SLC10A7: variants seen among roughly 807,000 people sequenced by gnomAD.
The protein encoded by SLC10A7 is solute carrier family 10 member 7, also known as sodium/bile acid cotransporter 7.
In SLC10A7, 29 loss-of-function variants were observed where a neutral mutation model predicts 43.2. That is an observed-to-expected ratio of 0.67 (90% CI 0.50 to 0.92). SLC10A7 has a LOEUF of 0.92. Among genes scored for constraint, SLC10A7 ranks in the 40% least tolerant of loss-of-function variants. The pLI is 0.00. For synonymous variants in SLC10A7, 152 were observed against 144.8 expected (o/e 1.05, Z -0.35); for missense variants, 295 against 403.2 (o/e 0.73, Z 2.30).
chr4:146,301,623 C>T (rs1445775643), intron 7 of SLC10A7, among the ~76,000 whole-genome samples: 1 of 152,136 alleles, frequency 6.6e-6, no homozygotes, highest in Non-Finnish European at 1.5e-5. Context: ...GAAGGTGTGT[C>T]ATCCTCTCCA....
chr4:146,425,018 C>A (rs910471526), intron 5 of SLC10A7, among the ~76,000 whole-genome samples: 2 of 152,004 alleles, frequency 1.3e-5, no homozygotes, highest in Admixed American at 6.6e-5. Context: ...AGTAAACAGT[C>A]CTCTCAGTAA....
rs144531641 is a variant in SLC10A7, at chr4:146,455,576, G to A, written c.397-12755C>T. On this transcript the variant is annotated intron_variant, in intron 4 of 11. Coordinates refer to ENST00000335472, the MANE Select transcript of SLC10A7 (RefSeq NM_001029998.6). ...AAGAAGGCAATGGATCAATCCCTTA[G>A]CAATAACTCTCTCATCAGCTTTTCA... 1.6e-4 allele frequency among the ~76,000 whole-genome samples: 24 copies of A among 151,980 alleles called. No individual in the cohort carries two copies. The East Asian group carries it at 4.6e-3, about 29-fold the overall frequency.
At chr4:146,266,617 T>C (rs992687098) in intron 10 of SLC10A7, among the ~76,000 whole-genome samples, 1 of 152,242 alleles carries the variant, frequency 6.6e-6, no homozygotes, top group Non-Finnish European at 1.5e-5. Context: ...GGAATTTGGT[T>C]AGAAAAGGCT....
intron 4 of SLC10A7, among the ~76,000 whole-genome samples, chr4:146,459,552 G>A (rs1732353758): frequency 6.6e-6 from 1 of 151,370 alleles, no homozygotes; most frequent in Non-Finnish European, 1.5e-5. Context: ...TGGCAAAGGT[G>A]CTAGAGTAAT....
At chr4:146,487,271 C>G (rs1299356380) in intron 4 of SLC10A7, among the ~76,000 whole-genome samples, 1 of 152,168 alleles carries the variant, frequency 6.6e-6, no homozygotes, top group Non-Finnish European at 1.5e-5. Flanking sequence ...GACTTCTCTG[C>G]CCTCTCCTTA....
At chr4:146,319,012 A>G (rs530291014) in intron 6 of SLC10A7, among the ~76,000 whole-genome samples, 14 of 152,164 alleles carry the variant, frequency 9.2e-5, no homozygotes, top group Non-Finnish European at 1.9e-4. Context: ...TGCCTCCACC[A>G]TGGTCCCCTT....
At chr4:146,424,478 T>C (rs772833592) in intron 5 of SLC10A7, among the ~76,000 whole-genome samples, 2 of 152,012 alleles carry the variant, frequency 1.3e-5, no homozygotes, top group Non-Finnish European at 2.9e-5. Context: ...CTGGCCAATG[T>C]AGTGAGACCC....
rs187957032 is a variant in SLC10A7 at position 146,459,764 on chromosome 4, A to G, written c.397-16943T>C. On this transcript the variant is annotated intron_variant, in intron 4 of 11. Transcript: ENST00000335472. ...CTTTGTGACTCTGGATTAGGACAAC[A>G]TATCTACGTTAGGCTACAAAAATCA... is the stretch of plus-strand genomic sequence containing the variant. 3.9e-5 allele frequency among the ~76,000 whole-genome samples: 6 copies of G among 151,990 alleles called. 1 individual carries two copies. The East Asian group carries it at 7.7e-4, about 20-fold the overall frequency.
intron 9 of SLC10A7, among the ~76,000 whole-genome samples, chr4:146,287,306 A>G (rs1313016577): frequency 2.6e-5 from 4 of 152,334 alleles, no homozygotes; most frequent in Non-Finnish European, 2.9e-5. Flanking sequence ...CTATGATTAT[A>G]AAGAGAAAGT....
intron 4 of SLC10A7, 136 bp downstream of exon 4, chr4:146,503,713 C>T (rs1736631209): frequency 1.0e-5 from 7 of 700,130 alleles, no homozygotes; most frequent in Admixed American, 2.6e-5. Context: ...TATGTGAGTA[C>T]ACCTCCTTCT....
At chr4:146,271,730 C>T (rs889983234) in intron 10 of SLC10A7, among the ~76,000 whole-genome samples, 20 of 152,158 alleles carry the variant, frequency 1.3e-4, no homozygotes, top group African/African-American at 4.6e-4. Flanking sequence ...TTACCATTCC[C>T]CGGTCTCCTA....
intron 4 of SLC10A7, among the ~76,000 whole-genome samples, chr4:146,493,247 T>G (rs1382285333): frequency 6.6e-6 from 1 of 152,194 alleles, no homozygotes; most frequent in Non-Finnish European, 1.5e-5. Flanking sequence ...GTTAGAAGTG[T>G]GTTGTTGTTT....
At position 146,309,408 on chromosome 4, in the gene SLC10A7, G is replaced by A. The variant is rs148471542; in HGVS notation, c.472-3399C>T. ...CACATCAGAAACATCGGGAGGGCTT[G>A]TTAAAACACAGACTGATTTTGCCAT... is the stretch of plus-strand genomic sequence containing the variant. On this transcript the variant is annotated intron_variant, in intron 6 of 11. Transcript: ENST00000335472. Among the ~76,000 whole-genome samples, 5 of 152,250 alleles carry A rather than the reference G, an allele frequency of 3.3e-5. No individual in the cohort carries two copies. In the East Asian group the frequency reaches 5.8e-4, roughly 18 times the overall value.
At chr4:146,461,429 A>T (rs2149937049) in intron 4 of SLC10A7, among the ~76,000 whole-genome samples, 1 of 152,188 alleles carries the variant, frequency 6.6e-6, no homozygotes, top group Admixed American at 6.6e-5. Context: ...AATATTATAT[A>T]AAGTAAGGCC....
At chr4:146,265,279 G>T (rs185147218) in intron 10 of SLC10A7, among the ~76,000 whole-genome samples, 1 of 152,218 alleles carries the variant, frequency 6.6e-6, no homozygotes, top group East Asian at 1.9e-4. Flanking sequence ...TTGGACCCCA[G>T]TGTGTTTACT....
At chr4:146,521,322 A>G (rs74578347) in intron 1 of SLC10A7, among the ~76,000 whole-genome samples, 11 of 152,206 alleles carry the variant, frequency 7.2e-5, no homozygotes, top group African/African-American at 2.4e-4. Flanking sequence ...ATAGGATGCT[A>G]CTTTGAAGGC....
chr4:146,320,731 G>C (rs1221943920), intron 6 of SLC10A7, among the ~76,000 whole-genome samples: 1 of 152,054 alleles, frequency 6.6e-6, no homozygotes, highest in Non-Finnish European at 1.5e-5. Context: ...ACAATGGGAA[G>C]ATGCTAACAT....
chr4:146,304,108 ATGCTTACTACT>A, intron 7 of SLC10A7, among the ~76,000 whole-genome samples: 1 of 48,874 alleles, frequency 2.0e-5, no homozygotes, highest in African/African-American at 8.1e-5. Flanking sequence ...GTATGCTTAT[ATGCTTACTACT>A]AACTTGTTAT....
intron 5 of SLC10A7, among the ~76,000 whole-genome samples, chr4:146,435,231 T>C (rs1269582385): frequency 6.6e-6 from 1 of 152,170 alleles, no homozygotes; most frequent in Non-Finnish European, 1.5e-5. Flanking sequence ...AAATCCTAAG[T>C]CCATGATGAA....
Sources: gnomAD v4.1 joint callset for allele counts (sites outside exome capture counted in the v4.1 genomes callset) on GRCh38, gnomAD v4.1.1 for gene constraint, MANE v1.5 for transcripts, NCBI Gene and HGNC (gene_info 2026-07-23, HGNC 2026-07-21) for gene names.